MIPOL1: variants seen among roughly 807,000 people sequenced by gnomAD.
The protein encoded by MIPOL1 is mirror-image polydactyly 1, also known as mirror-image polydactyly gene 1 protein.
MIPOL1 carries 57 observed loss-of-function variants against 60.9 expected under a neutral mutation model. The observed-to-expected ratio is 0.94, with a 90% CI of 0.76 to 1.17. The LOEUF is 1.17. Ranked by LOEUF, MIPOL1 falls within the 50% of genes most tolerant of loss-of-function variation. The pLI, the probability that MIPOL1 is intolerant of heterozygous loss-of-function variation, is 0.00. For synonymous variants in MIPOL1, 179 were observed against 168.8 expected (o/e 1.06, Z -0.47); for missense variants, 551 against 511.6 (o/e 1.08, Z -0.74).
intron 12 of MIPOL1, chr14:37,504,282 C>T (rs2095254401): frequency 2.6e-5 from 4 of 152,186 alleles, no homozygotes; most frequent in African/African-American, 4.8e-5. Context: ...GAACTCTCCA[C>T]CCCAAATCAA....
Position 37,285,306 on chromosome 14 carries a change from A to G in MIPOL1, c.494-12A>G, listed in dbSNP as rs747128306. 1.2e-6 allele frequency: 2 copies of G among 1,613,772 alleles called. 1 individual carries two copies. Among genetic ancestry groups the G allele is most frequent in the Non-Finnish European group, 1.7e-6 (2 of 1,179,854 alleles). ...TTGTATGATTGATTGTGCGCTTTAT[A>G]TATTTTGGTAGCTCTGGTTGAAGAA... is the stretch of plus-strand genomic sequence containing the variant. On this transcript the variant is annotated splice_polypyrimidine_tract_variant and intron_variant, in intron 6 of 12. Transcript: ENST00000684589.
At chr14:37,268,491 G>A (rs749796572) in intron 4 of MIPOL1, among the ~76,000 whole-genome samples, 167 bp from the exon 5 acceptor site, 1 of 152,072 alleles carries the variant, frequency 6.6e-6, no homozygotes, top group Admixed American at 6.6e-5. Context: ...AAATTTACCT[G>A]TGCTTACAAA....
chr14:37,271,356 T>C (rs1407528997), intron 6 of MIPOL1, among the ~76,000 whole-genome samples: 1 of 152,018 alleles, frequency 6.6e-6, no homozygotes, highest in Non-Finnish European at 1.5e-5. Context: ...TAAGAAGCAA[T>C]TGAATTTTGT....
intron 9 of MIPOL1, among the ~76,000 whole-genome samples, chr14:37,342,585 A>G (rs1326508901): frequency 1.3e-5 from 2 of 151,868 alleles, no homozygotes; most frequent in Admixed American, 1.3e-4. Flanking sequence ...TTTAGTAGAG[A>G]CAGGGTTTCA....
chr14:37,442,088 TTGTGTGTGTGTGTGTGTGTGTG>T (rs3985271), intron 11 of MIPOL1, among the ~76,000 whole-genome samples: 1 of 143,712 alleles, frequency 7.0e-6, no homozygotes, highest in Non-Finnish European at 1.5e-5. Context: ...TTCTACTTTG[TTGTGTGTGTGTGTGTGTGTGTG>T]TGTGTGTGTG....
intron 6 of MIPOL1, among the ~76,000 whole-genome samples, chr14:37,271,780 T>C (rs1227996447): frequency 6.6e-6 from 1 of 151,648 alleles, no homozygotes; most frequent in Non-Finnish European, 1.5e-5. Context: ...TTGGATACTC[T>C]TACAAGAATT....
At chr14:37,424,093 A>G (rs1181634137) in intron 11 of MIPOL1, among the ~76,000 whole-genome samples, 2 of 152,170 alleles carry the variant, frequency 1.3e-5, no homozygotes, top group Admixed American at 6.6e-5. Context: ...GGTGAAAATA[A>G]AGATATAATT....
chr14:37,258,455 G>A (rs1301810643), intron 3 of MIPOL1, among the ~76,000 whole-genome samples: 5 of 152,006 alleles, frequency 3.3e-5, no homozygotes, highest in East Asian at 1.9e-4. Flanking sequence ...AGGCTGAAAA[G>A]GTTACAAATA....
At chr14:37,369,078 G>A (rs1211524492) in intron 9 of MIPOL1, among the ~76,000 whole-genome samples, 1 of 151,556 alleles carries the variant, frequency 6.6e-6, no homozygotes, top group Non-Finnish European at 1.5e-5. Flanking sequence ...AAATATTTCT[G>A]AACATATACC....
intron 1 of MIPOL1, among the ~76,000 whole-genome samples, chr14:37,232,559 A>G (rs1287782342): frequency 9.9e-6 from 1 of 101,172 alleles, no homozygotes; most frequent in Non-Finnish European, 2.7e-5. Flanking sequence ...CCTTCTGACT[A>G]TTCTTTTTCC....
At chr14:37,510,028 A>G (rs1176394703) in intron 12 of MIPOL1, among the ~76,000 whole-genome samples, 1 of 151,832 alleles carries the variant, frequency 6.6e-6, no homozygotes, top group Non-Finnish European at 1.5e-5. Context: ...ATATACACGT[A>G]GTCTATATAG....
At chr14:37,407,265 T>C (rs951492589) in intron 10 of MIPOL1, among the ~76,000 whole-genome samples, 3 of 152,148 alleles carry the variant, frequency 2.0e-5, no homozygotes, top group African/African-American at 7.2e-5. Flanking sequence ...AATGCATAGA[T>C]AGACTCACTA....
chr14:37,358,011 C>G (rs1238594704), intron 9 of MIPOL1, among the ~76,000 whole-genome samples: 2 of 151,508 alleles, frequency 1.3e-5, no homozygotes, highest in Non-Finnish European at 2.9e-5. Context: ...CCTGAGAGGC[C>G]CCCGTGTGTG....
intron 10 of MIPOL1, among the ~76,000 whole-genome samples, chr14:37,388,803 G>A (rs1445391147): frequency 1.3e-5 from 2 of 151,900 alleles, no homozygotes; most frequent in South Asian, 2.1e-4. Flanking sequence ...CATCCATGTC[G>A]TGTGTAATAG....
chr14:37,361,978 C>T (rs970079964), intron 9 of MIPOL1, among the ~76,000 whole-genome samples: 3 of 152,166 alleles, frequency 2.0e-5, no homozygotes, highest in East Asian at 3.9e-4. Context: ...GATCTTCCTC[C>T]TTCCCTTTGT....
At chr14:37,430,378 T>C (rs994362051) in intron 11 of MIPOL1, among the ~76,000 whole-genome samples, 2 of 152,084 alleles carry the variant, frequency 1.3e-5, no homozygotes, top group Admixed American at 6.6e-5. Context: ...TTTTATGCCA[T>C]TAAGTTGTGT....
chr14:37,235,300 A>T (rs1312324269), intron 1 of MIPOL1, among the ~76,000 whole-genome samples: 1 of 152,192 alleles, frequency 6.6e-6, no homozygotes, highest in East Asian at 1.9e-4. Flanking sequence ...TAATGATCCA[A>T]CAGTGAACCT....
At chr14:37,482,621 C>A (rs2094888514) in intron 11 of MIPOL1, among the ~76,000 whole-genome samples, 1 of 152,120 alleles carries the variant, frequency 6.6e-6, no homozygotes, top group African/African-American at 2.4e-5. Context: ...ACCATGAGAT[C>A]TCCTGAGAAT....
chr14:37,251,366 C>A (rs950624015), intron 3 of MIPOL1, among the ~76,000 whole-genome samples: 2 of 151,838 alleles, frequency 1.3e-5, no homozygotes, highest in African/African-American at 4.8e-5. Flanking sequence ...CTGTATCTAG[C>A]CCCCAAGTTT....
Sources: gnomAD v4.1 joint callset for allele counts (sites outside exome capture counted in the v4.1 genomes callset) on GRCh38, gnomAD v4.1.1 for gene constraint, MANE v1.5 for transcripts, NCBI Gene and HGNC (gene_info 2026-07-23, HGNC 2026-07-21) for gene names.